The following CCZ1B variants were observed in gnomAD, a reference collection of about 807,000 sequenced individuals.
The protein encoded by CCZ1B is vacuolar fusion protein CCZ1 homolog B.
In CCZ1B, 25 loss-of-function variants were observed where a neutral mutation model predicts 58.8. The observed-to-expected ratio is 0.43, with a 90% CI of 0.31 to 0.59. CCZ1B has a LOEUF of 0.59. Among genes scored for constraint, CCZ1B ranks in the 20% least tolerant of loss-of-function variants. The pLI, the probability that CCZ1B is intolerant of heterozygous loss-of-function variation, is 0.12. For synonymous variants in CCZ1B, 66 were observed against 173.2 expected (o/e 0.38, Z 4.86); for missense variants, 180 against 501.5 (o/e 0.36, Z 6.12).
chr7:6,814,785 G>A lies in CCZ1B; in HGVS notation c.759C>T (p.Phe253=), dbSNP rs11538606. Residue 253 remains phenylalanine (F), a synonymous_variant, in exon 8 of 15, where the codon TTC becomes TTT. Coordinates refer to ENST00000316731, the MANE Select transcript of CCZ1B (RefSeq NM_198097.5). The part of the protein sequence containing the change: ...ILYKYLTTSL[F]PRHIEPELAG... ...ATACCTCAGGTTCGATGTGCCTTGG[G>A]AAAAGGGAGGTGGTAAGGTATTTGT... is the stretch of plus-strand genomic sequence containing the variant. 62 of 1,607,058 alleles carry A rather than the reference G, an allele frequency of 3.9e-5. No homozygotes were observed. The highest frequency in any genetic ancestry group is 1.8e-4 in the African/African-American group (13 of 71,600).
intron 11 of CCZ1B, 85 bp downstream of exon 11, chr7:6,805,919 C>G (rs1782829019): frequency 6.5e-7 from 1 of 1,550,128 alleles, no homozygotes; most frequent in African/African-American, 1.4e-5. Flanking sequence ...CAACCGAAAC[C>G]CCCAAAACAT....
chr7:6,808,310 C>T (rs1782863391), intron 10 of CCZ1B, among the ~76,000 whole-genome samples: 1 of 121,868 alleles, frequency 8.2e-6, no homozygotes, highest in East Asian at 2.8e-4. Flanking sequence ...ACTGGGCTGT[C>T]CACATGACCC....
intron 4 of CCZ1B, among the ~76,000 whole-genome samples, 155 bp from the exon 5 acceptor site, chr7:6,823,515 C>CTTTTTTTTTTT (rs897480782): frequency 9.5e-5 from 10 of 104,880 alleles, no homozygotes; most frequent in African/African-American, 3.3e-4. Context: ...TGTTTGCGTT[C>CTTTTTTTTTTT]TTTTTTTTTT....
Position 6,810,256 on chromosome 7 carries a change from G to A in CCZ1B, c.954+1696C>T, listed in dbSNP as rs1415662302. 2.7e-5 allele frequency among the ~76,000 whole-genome samples: 4 copies of A among 148,950 alleles called. 1 individual carries two copies. The highest frequency in any genetic ancestry group is 1.9e-4 in the East Asian group (1 of 5,166). ...TCGAACTCCAGACCTCAGGTGATCC[G>A]CCCACCTTGGCCTCCCAAAGTGCTG... On this transcript the variant is annotated intron_variant, in intron 10 of 14. Coordinates refer to ENST00000316731, the MANE Select transcript of CCZ1B (RefSeq NM_198097.5).
At chr7:6,800,509 C>G in intron 14 of CCZ1B, among the ~76,000 whole-genome samples, 1 of 140,062 alleles carries the variant, frequency 7.1e-6, no homozygotes, top group Non-Finnish European at 1.5e-5. Context: ...AAGAAATTAG[C>G]TGGGTCTGGT....
Position 6,819,393 on chromosome 7 carries a change from G to A in CCZ1B, c.698+373C>T, listed in dbSNP as rs1381873620. On this transcript the variant is annotated intron_variant, in intron 7 of 14. Transcript: ENST00000316731. The stretch of plus-strand genomic sequence containing the variant: ...TGGGATTACAGGCATGCACCACCAC[G>A]CCCAGCTAATTTTTGTATTTTTAGT... 5.4e-5 allele frequency among the ~76,000 whole-genome samples: 8 copies of A among 147,892 alleles called. 1 individual carries two copies. Among genetic ancestry groups the A allele is most frequent in the African/African-American group, 2.1e-4 (8 of 38,894 alleles).
intron 7 of CCZ1B, among the ~76,000 whole-genome samples, chr7:6,815,055 A>G (rs2115119616): frequency 6.7e-6 from 1 of 149,076 alleles, no homozygotes; most frequent in Non-Finnish European, 1.5e-5. Flanking sequence ...TTTTTCCTAA[A>G]CATAATTCTT....
At chr7:6,804,153 G>A (rs1473765281) in intron 12 of CCZ1B, among the ~76,000 whole-genome samples, 4 of 149,138 alleles carry the variant, frequency 2.7e-5, no homozygotes, top group South Asian at 2.2e-4. Flanking sequence ...GGCCGGGTGC[G>A]GTAGCTCACA....
At chr7:6,812,796 C>G (rs149854852) in intron 9 of CCZ1B, among the ~76,000 whole-genome samples, 180 bp downstream of exon 9, 3,270 of 148,510 alleles carry the variant, frequency 0.022, 120 homozygotes, top group African/African-American at 0.079. Flanking sequence ...CATAGTGGCT[C>G]ATGCCTGTAG....
chr7:6,824,382 A>G, intron 3 of CCZ1B, 73 bp downstream of exon 3: 2 of 1,503,326 alleles, frequency 1.3e-6, no homozygotes, highest in Non-Finnish European at 1.8e-6. Context: ...GAACTTTCCT[A>G]AATTCTGAAC....
chr7:6,819,993 T>C (rs777940599), intron 6 of CCZ1B, 52 bp from the exon 7 acceptor site: 1 of 1,405,794 alleles, frequency 7.1e-7, no homozygotes, highest in Non-Finnish European at 9.8e-7. Context: ...CTGAATATAA[T>C]GCTCCTTGAT....
In CCZ1B at chr7:6,818,577, CAGAAAGAA is replaced by C. The variant is rs1243261368; in HGVS notation, c.698+1181_698+1188del. Among the ~76,000 whole-genome samples the C allele has an allele frequency of 2.7e-3, 354 of 130,506 alleles. 23 individuals are homozygous for C. Among genetic ancestry groups the C allele is most frequent in the African/African-American group, 0.01 (317 of 30,786 alleles). The allele number at this position is 130,506 out of a possible 152,430, so 85.6% of individuals were successfully genotyped here. A position where few individuals can be genotyped will look rare whatever the true frequency, so the allele number is the denominator to read the frequency against. On this transcript the variant is annotated intron_variant, in intron 7 of 14. Coordinates refer to ENST00000316731, the MANE Select transcript of CCZ1B (RefSeq NM_198097.5). Reference sequence around the variant, plus strand: ...AAAGAAAGAAAGACAGAAAGAAAGACAGAAAGAAAGACAGACAGAAAGAAAGAAAGAAA... The same window carrying C: ...AAAGAAAGAAAGACAGAAAGAAAGACAGACAGACAGAAAGAAAGAAAGAAA...
Position 6,805,058 on chromosome 7 carries a change from G to A in CCZ1B, c.989-3C>T. The A allele has an allele frequency of 7.9e-7, 1 of 1,266,832 alleles. No individual in the cohort carries two copies. The highest frequency in any genetic ancestry group is 1.0e-6 in the Non-Finnish European group (1 of 979,350). The allele number at this position is 1,266,832 out of a possible 1,614,324, so 78.5% of individuals were successfully genotyped here. A position where few individuals can be genotyped will look rare whatever the true frequency, so the allele number is the denominator to read the frequency against. Reference sequence around the variant, plus strand: ...ATCCAACGTTGGGTGGACAGAGGCTGGCAAGTCATGACAAAAAATACCAGT... The same window carrying A: ...ATCCAACGTTGGGTGGACAGAGGCTAGCAAGTCATGACAAAAAATACCAGT... On this transcript the variant is annotated splice_polypyrimidine_tract_variant and splice_region_variant and intron_variant, in intron 11 of 14. Transcript: ENST00000316731.
rs1273017441 is a variant in CCZ1B, at chr7:6,818,588, AC to A, written c.698+1177del. On this transcript the variant is annotated intron_variant, in intron 7 of 14. Transcript: ENST00000316731. ...GACAGAAAGAAAGACAGAAAGAAAG[AC>A]AGACAGAAAGAAAGAAAGAAAGAAA... 1.6e-3 allele frequency among the ~76,000 whole-genome samples: 219 copies of A among 134,974 alleles called. 13 individuals carry two copies. Among genetic ancestry groups the A allele is most frequent in the African/African-American group, 6.3e-3 (193 of 30,878 alleles). 88.5% of individuals were successfully genotyped at this position (134,974 alleles called of 152,430 possible).
In CCZ1B at chr7:6,819,905, G is replaced by A. The variant is rs1406433591; in HGVS notation, c.559C>T (p.Leu187Phe). The change falls in exon 7 of 15, where the codon CTT (leucine) becomes TTT (phenylalanine). Residue 187 changes from leucine (L) to phenylalanine (F), a missense_variant. Leu to Phe is a conservative substitution (Grantham distance 22). Transcript: ENST00000316731. ...QTLHLQSCDL[L>F]DIFGGISFFP... ...AAGCTGATTCCACCAAAAATGTCAA[G>A]TAGGTCACATGACTGCAAATGTAGC... is the stretch of plus-strand genomic sequence containing the variant. The A allele has an allele frequency of 1.6e-5, 25 of 1,604,182 alleles. No individual in the cohort carries two copies. The highest frequency in any genetic ancestry group is 2.1e-5 in the Non-Finnish European group (25 of 1,176,596).
intron 6 of CCZ1B, among the ~76,000 whole-genome samples, chr7:6,821,598 A>G (rs989414963): frequency 6.6e-6 from 1 of 151,446 alleles, no homozygotes; most frequent in Non-Finnish European, 1.5e-5. Flanking sequence ...TTGCTTCAAG[A>G]TAAACTAGGC....
chr7:6,813,851 A>T (rs1782956005), intron 8 of CCZ1B, among the ~76,000 whole-genome samples: 1 of 102,832 alleles, frequency 9.7e-6, no homozygotes, highest in Non-Finnish European at 1.9e-5. Flanking sequence ...CCAACCTAAA[A>T]TCCAATTTTT....
In CCZ1B at chr7:6,814,741, T is replaced by G. The variant is rs60908776; in HGVS notation, c.780+23A>C. On this transcript the variant is annotated intron_variant, in intron 8 of 14. Transcript: ENST00000316731. ...CTCTGTGCCCCTGCATGTAATTGTG[T>G]GCAGCTATGGTACCCATCATACCTC... is the stretch of plus-strand genomic sequence containing the variant. 4.3e-6 allele frequency: 6 copies of G among 1,380,820 alleles called. No homozygotes were observed. In the South Asian group the frequency reaches 6.5e-5, roughly 15 times the overall value. The allele number at this position is 1,380,820 out of a possible 1,614,324, so 85.5% of individuals were successfully genotyped here. A position where few individuals can be genotyped will look rare whatever the true frequency, so the allele number is the denominator to read the frequency against.
intron 8 of CCZ1B, 98 bp downstream of exon 8, chr7:6,814,666 G>A: frequency 2.7e-6 from 3 of 1,097,800 alleles, no homozygotes; most frequent in Non-Finnish European, 4.0e-6. Context: ...ACATACATCA[G>A]AAACGATCAG....
Sources: gnomAD v4.1 joint callset for allele counts (sites outside exome capture counted in the v4.1 genomes callset) on GRCh38, gnomAD v4.1.1 for gene constraint, MANE v1.5 for transcripts, NCBI Gene and HGNC (gene_info 2026-07-23, HGNC 2026-07-21) for gene names.